The following ANK1 variants were observed in gnomAD, a reference collection of about 807,000 sequenced individuals.
The protein encoded by ANK1 is ankyrin 1, also known as ankyrin-1.
In ANK1, 51 loss-of-function variants were observed where a neutral mutation model predicts 210.4. That is an observed-to-expected ratio of 0.24 (90% CI 0.19 to 0.31). ANK1 has a LOEUF of 0.31. Among genes scored for constraint, ANK1 ranks in the 10% least tolerant of loss-of-function variants. The probability of loss-of-function intolerance (pLI) is 1.00; values close to 1 mark genes in which losing one functional copy is unlikely to be tolerated. For missense variants in ANK1, 2,051 were observed against 2,504.4 expected (o/e 0.82, Z 3.86); for synonymous variants, 967 against 1,025.9 (o/e 0.94, Z 1.10).
At chr8:41,655,809 C>G in intron 42 of ANK1, 56 bp from the exon 43 acceptor site, 1 of 1,573,068 alleles carries the variant, frequency 6.4e-7, no homozygotes, top group Non-Finnish European at 8.7e-7. Flanking sequence ...CAACGTCCAG[C>G]AAAAACCCCA....
At chr8:41,659,151 T>C (rs1413604289) in intron 42 of ANK1, among the ~76,000 whole-genome samples, 5 of 152,256 alleles carry the variant, frequency 3.3e-5, no homozygotes, top group African/African-American at 1.2e-4. Context: ...AACTCATCCC[T>C]GAGCAGAGCT....
intron 1 of ANK1, chr8:41,828,385 C>T (rs953992146): frequency 1.3e-5 from 2 of 154,464 alleles, no homozygotes; most frequent in African/African-American, 4.8e-5. Context: ...CTCTCATTTT[C>T]CACCTTCTCC....
chr8:41,682,854 A>G (rs1052020812), intron 37 of ANK1, among the ~76,000 whole-genome samples: 1 of 152,208 alleles, frequency 6.6e-6, no homozygotes, highest in Admixed American at 6.5e-5. Flanking sequence ...ATGGGAAGGG[A>G]GAGGAGCTTT....
Position 41,696,557 on chromosome 8 carries a change from C to A in ANK1, c.2766G>T (p.Arg922=), listed in dbSNP as rs1037761655. The A allele has an allele frequency of 2.9e-5, 46 of 1,613,982 alleles. No individual in the cohort carries two copies. Among genetic ancestry groups the A allele is most frequent in the Middle Eastern group, 1.6e-4 (1 of 6,062 alleles). ...GGCGACTTCCTCTCATGGAACCACC[C>A]CGGGCGTCAACCATGAAGCTCACCA... is the stretch of plus-strand genomic sequence containing the variant. ...GFLVSFMVDA[R]GGSMRGSRHN... is the part of the protein sequence containing the mutation. Residue 922 remains arginine, a synonymous_variant, in exon 26 of 43, where the codon CGG becomes CGT. Transcript: ENST00000289734.
intron 26 of ANK1, 103 bp downstream of exon 26, chr8:41,696,260 G>T: frequency 3.0e-6 from 4 of 1,325,964 alleles, no homozygotes; most frequent in Non-Finnish European, 4.3e-6. Context: ...TCAGGGAAAG[G>T]GGAGGGGCAC....
intron 17 of ANK1, among the ~76,000 whole-genome samples, chr8:41,707,472 A>G (rs562013117): frequency 1.2e-4 from 19 of 152,090 alleles, no homozygotes; most frequent in Middle Eastern, 3.4e-3. Flanking sequence ...CCCACCACAC[A>G]CTGCTGCAGC....
At chr8:41,715,303 G>A (rs567208205) in intron 14 of ANK1, among the ~76,000 whole-genome samples, 1 of 152,204 alleles carries the variant, frequency 6.6e-6, no homozygotes, top group South Asian at 2.1e-4. Context: ...ACCTCACAGT[G>A]GTAGTTGATT....
chr8:41,885,523 A>C (rs1224454544), intron 1 of ANK1, among the ~76,000 whole-genome samples: 2 of 152,240 alleles, frequency 1.3e-5, no homozygotes, highest in Non-Finnish European at 2.9e-5. Context: ...ATGTCGGCGG[A>C]CAGGCCCTGG....
At chr8:41,838,815 G>T (rs1808322326) in intron 1 of ANK1, among the ~76,000 whole-genome samples, 1 of 142,094 alleles carries the variant, frequency 7.0e-6, no homozygotes, top group South Asian at 2.1e-4. Context: ...GGTGGCTCAT[G>T]CCCATAATCC....
Position 41,731,752 on chromosome 8 carries a change from A to T in ANK1, c.228+2219T>A, listed in dbSNP as rs556847170. On this transcript the variant is annotated intron_variant, in intron 3 of 42. Transcript: ENST00000289734. The stretch of plus-strand genomic sequence containing the variant: ...TTCTAAAAATAAAAAAGACACACCA[A>T]GTGTTCACTTGCAAAATCACAACCT... 3.4e-4 allele frequency among the ~76,000 whole-genome samples: 52 copies of T among 152,286 alleles called. No homozygotes were observed. In the South Asian group the frequency reaches 0.01, roughly 30 times the overall value.
intron 15 of ANK1, among the ~76,000 whole-genome samples, chr8:41,714,497 C>T (rs1827079780): frequency 6.6e-6 from 1 of 152,000 alleles, no homozygotes; most frequent in Admixed American, 6.6e-5. Context: ...CGGGTCTTTC[C>T]AAAAGGATAA....
At chr8:41,824,650 C>T (rs1805046296) in intron 1 of ANK1, among the ~76,000 whole-genome samples, 1 of 152,074 alleles carries the variant, frequency 6.6e-6, no homozygotes. Context: ...AATAAGTGTC[C>T]CCAGAGAAAG....
In ANK1 at chr8:41,704,130, T is replaced by C. The variant is rs375218687; in HGVS notation, c.2206A>G (p.Ser736Gly). Residue 736 changes from serine to glycine, a missense_variant, in exon 20 of 43, where the codon AGC (serine) becomes GGC (glycine). Physicochemically the swap from Ser to Gly is moderately conservative, Grantham distance 56. Transcript: ENST00000289734. The surrounding 1 kb of genome is among the most constrained non-coding windows in gnomAD (Gnocchi z 4.1). ...TGCTGGGCTGCCTGGTGCAGGGGGCTGTATCCTAGCTGCAAAGTGAGCAGA... is the reference window on the plus strand; with the variant it reads ...TGCTGGGCTGCCTGGTGCAGGGGGCCGTATCCTAGCTGCAAAGTGAGCAGA... ...DVNAKTKLGY[S>G]PLHQAAQQGH... 3 of 1,613,940 alleles carry C rather than the reference T, an allele frequency of 1.9e-6. No individual in the cohort carries two copies.
intron 1 of ANK1, among the ~76,000 whole-genome samples, chr8:41,874,436 C>T (rs1052376751): frequency 1.3e-5 from 2 of 152,254 alleles, no homozygotes; most frequent in African/African-American, 4.8e-5. Context: ...GCACTCTTTT[C>T]TTAAAGTCTT....
intron 1 of ANK1, among the ~76,000 whole-genome samples, chr8:41,822,133 AGAAAGAAAGAAAG>A (rs1804506615): frequency 8.9e-5 from 1 of 11,184 alleles, no homozygotes. Context: ...AGAAAGAAAG[AGAAAGAAAGAAAG>A]AAAGAAAGAA....
At chr8:41,753,158 G>A (rs140538073) in intron 2 of ANK1, among the ~76,000 whole-genome samples, 9 of 150,974 alleles carry the variant, frequency 6.0e-5, no homozygotes, top group African/African-American at 2.2e-4. Context: ...TGCCTCTTGG[G>A]TTCAAGAGAT....
At chr8:41,663,489 C>A (rs1223239897) in intron 40 of ANK1, among the ~76,000 whole-genome samples, 170 bp downstream of exon 40, 3 of 152,154 alleles carry the variant, frequency 2.0e-5, no homozygotes, top group Admixed American at 2.0e-4. Flanking sequence ...CTGCAGATGA[C>A]CAAAGCTCCC....
intron 37 of ANK1, among the ~76,000 whole-genome samples, chr8:41,681,640 T>G (rs943088414): frequency 6.6e-6 from 1 of 152,152 alleles, no homozygotes; most frequent in Non-Finnish European, 1.5e-5. Flanking sequence ...AAGGTCCGAC[T>G]GTGGGCATCA....
intron 17 of ANK1, among the ~76,000 whole-genome samples, chr8:41,708,404 C>T (rs1825268889): frequency 6.6e-6 from 1 of 152,152 alleles, no homozygotes; most frequent in Admixed American, 6.5e-5. Context: ...ATATCTTTCC[C>T]CCACGGAACA....
Sources: allele counts gnomAD v4.1 joint callset (sites outside exome capture counted in the v4.1 genomes callset), GRCh38; gene constraint gnomAD v4.1.1; non-coding constraint Gnocchi (gnomAD v3.1); transcripts MANE v1.5; gene names NCBI Gene and HGNC (gene_info 2026-07-23, HGNC 2026-07-21).